MYOM1: variants seen among roughly 807,000 people sequenced by gnomAD.
MYOM1 encodes the protein myomesin-1.
A neutral mutation model predicts 205.3 loss-of-function variants in MYOM1; 164 were observed. That is an observed-to-expected ratio of 0.80 (90% CI 0.70 to 0.91). MYOM1 has a LOEUF of 0.91. Ranked by LOEUF, MYOM1 falls within the 40% of genes least tolerant of loss-of-function variation. The pLI, the probability that MYOM1 is intolerant of heterozygous loss-of-function variation, is 0.00. For synonymous variants in MYOM1, 772 were observed against 789.4 expected (o/e 0.98, Z 0.37); for missense variants, 2,011 against 2,127.3 (o/e 0.95, Z 1.08).
chr18:3,198,149 T>G (rs1450649687), intron 2 of MYOM1, among the ~76,000 whole-genome samples: 1 of 152,156 alleles, frequency 6.6e-6, no homozygotes, highest in Admixed American at 6.5e-5. Context: ...ACTATATAAT[T>G]TGGGGAAATT....
chr18:3,204,853 A>G (rs1482666135), intron 2 of MYOM1, among the ~76,000 whole-genome samples: 1 of 152,084 alleles, frequency 6.6e-6, no homozygotes, highest in East Asian at 1.9e-4. Context: ...TGGTACTGGT[A>G]TAAGAACAAG....
chr18:3,200,310 TA>T (rs748569428), intron 2 of MYOM1, among the ~76,000 whole-genome samples: 1 of 152,112 alleles, frequency 6.6e-6, no homozygotes, highest in Non-Finnish European at 1.5e-5. Context: ...TTAACAACAA[TA>T]AAAGTTATGA....
intron 5 of MYOM1, among the ~76,000 whole-genome samples, chr18:3,185,944 C>T (rs1158278168): frequency 6.6e-6 from 1 of 152,140 alleles, no homozygotes. Context: ...TCCGGTAGTC[C>T]CAGCACTTTG....
chr18:3,175,224 G>T (rs2080620418), intron 6 of MYOM1, among the ~76,000 whole-genome samples: 1 of 152,084 alleles, frequency 6.6e-6, no homozygotes, highest in Non-Finnish European at 1.5e-5. Flanking sequence ...CTGGCAAATG[G>T]CACAGGGTCC....
intron 14 of MYOM1, among the ~76,000 whole-genome samples, chr18:3,139,133 T>C (rs2080013212): frequency 6.6e-6 from 1 of 152,282 alleles, no homozygotes; most frequent in Admixed American, 6.5e-5. Flanking sequence ...CTTAAAAATA[T>C]ACAGGCATGA....
chr18:3,184,545 C>G (rs2080783505), intron 5 of MYOM1, among the ~76,000 whole-genome samples: 1 of 152,164 alleles, frequency 6.6e-6, no homozygotes, highest in African/African-American at 2.4e-5. Flanking sequence ...TAACTATTTT[C>G]CTAGTTGTCT....
intron 6 of MYOM1, among the ~76,000 whole-genome samples, chr18:3,174,569 T>C (rs2080608349): frequency 6.6e-6 from 1 of 152,160 alleles, no homozygotes; most frequent in Non-Finnish European, 1.5e-5. Flanking sequence ...TAAAGTTGCA[T>C]TGGGAGGAGA....
Position 3,152,296 on chromosome 18 carries a change from A to G in MYOM1, c.1644-403T>C, listed in dbSNP as rs1323536991. On this transcript the variant is annotated intron_variant, in intron 11 of 37. Transcript: ENST00000356443. The surrounding 1 kb of genome is among the most constrained non-coding windows in gnomAD (Gnocchi z 4.3). ...TTGTCTTCTTTAGGTATTTTCTTTG[A>G]AAAACAGAGGTATTATTGAGAAAAT... is the stretch of plus-strand genomic sequence containing the variant. Among the ~76,000 whole-genome samples the G allele has an allele frequency of 6.6e-6, 1 of 152,204 alleles. No homozygotes were observed. Among genetic ancestry groups the G allele is most frequent in the Non-Finnish European group, 1.5e-5 (1 of 68,032 alleles).
intron 2 of MYOM1, among the ~76,000 whole-genome samples, chr18:3,206,203 T>A (rs2081121278): frequency 6.6e-6 from 1 of 152,242 alleles, no homozygotes; most frequent in Non-Finnish European, 1.5e-5. Flanking sequence ...CTTATCTATG[T>A]GTTTTCATTA....
At chr18:3,175,625 G>A (rs118118028) in intron 6 of MYOM1, among the ~76,000 whole-genome samples, 15 of 152,124 alleles carry the variant, frequency 9.9e-5, no homozygotes, top group East Asian at 5.8e-4. Flanking sequence ...CCACCTACCC[G>A]GATCTCCATG....
At chr18:3,102,740 G>A (rs2079398131) in intron 22 of MYOM1, 110 bp from the exon 23 acceptor site, 1 of 1,168,052 alleles carries the variant, frequency 8.6e-7, no homozygotes, top group South Asian at 1.5e-5. Flanking sequence ...CCTGATCCTA[G>A]GTCAGGGAAA....
intron 2 of MYOM1, among the ~76,000 whole-genome samples, chr18:3,195,062 A>G (rs975543758): frequency 6.6e-6 from 1 of 152,202 alleles, no homozygotes; most frequent in African/African-American, 2.4e-5. Flanking sequence ...CCATTTCCTA[A>G]TCTTGGAAAA....
chr18:3,245,308 G>C, the MYOM1 span, among the ~76,000 whole-genome samples: 1,234 of 152,184 alleles, frequency 8.1e-3, 19 homozygotes, highest in African/African-American at 0.028. Flanking sequence ...CTGGGAGATG[G>C]AGGCTGCAGT....
At chr18:3,191,754 GGCGT>G in intron 3 of MYOM1, among the ~76,000 whole-genome samples, 1 of 151,036 alleles carries the variant, frequency 6.6e-6, no homozygotes, top group African/African-American at 2.4e-5. Flanking sequence ...GGAGTGCAGT[GGCGT>G]GATCTCAGCT....
intron 14 of MYOM1, among the ~76,000 whole-genome samples, chr18:3,141,562 A>G (rs2080049552): frequency 6.6e-6 from 1 of 152,158 alleles, no homozygotes; most frequent in South Asian, 2.1e-4. Flanking sequence ...GTCCTACTAC[A>G]GAAGGAGGAG....
intron 14 of MYOM1, among the ~76,000 whole-genome samples, chr18:3,137,928 T>C (rs757611244): frequency 6.6e-6 from 1 of 152,316 alleles, no homozygotes. Context: ...CCTGTAAATA[T>C]GTGCAATGAT....
rs545420522 is a variant in MYOM1 at position 3,137,543 on chromosome 18, G to A, written c.2026-1813C>T. Among the ~76,000 whole-genome samples, 141 of 152,280 alleles carry A rather than the reference G, an allele frequency of 9.3e-4. 1 individual carries two copies. Among genetic ancestry groups the A allele is most frequent in the African/African-American group, 3.2e-3 (132 of 41,546 alleles). On this transcript the variant is annotated intron_variant, in intron 14 of 37. Coordinates refer to ENST00000356443, the MANE Select transcript of MYOM1 (RefSeq NM_003803.4). ...AGCAATATGAATATAATTGGAGGTCGCTAAGTGAAATAAGTCAGGCACATA... is the reference window on the plus strand; with the variant it reads ...AGCAATATGAATATAATTGGAGGTCACTAAGTGAAATAAGTCAGGCACATA...
At chr18:3,153,836 A>G (rs559870431) in intron 11 of MYOM1, among the ~76,000 whole-genome samples, 4 of 152,366 alleles carry the variant, frequency 2.6e-5, no homozygotes, top group African/African-American at 9.6e-5. Context: ...TTACTCAAAA[A>G]TGAAAAGAGA....
At chr18:3,138,280 C>T (rs879328741) in intron 14 of MYOM1, among the ~76,000 whole-genome samples, 4 of 152,102 alleles carry the variant, frequency 2.6e-5, no homozygotes, top group Non-Finnish European at 4.4e-5. Context: ...GTCCAGATCT[C>T]GTGACAGGTT....
Sources: allele counts gnomAD v4.1 joint callset (sites outside exome capture counted in the v4.1 genomes callset), GRCh38; gene constraint gnomAD v4.1.1; non-coding constraint Gnocchi (gnomAD v3.1); transcripts MANE v1.5; gene names NCBI Gene and HGNC (gene_info 2026-07-23, HGNC 2026-07-21).